Variants in USP47 observed in about 807,000 individuals in gnomAD.
USP47 encodes ubiquitin specific peptidase 47.
In USP47, 35 loss-of-function variants were observed where a neutral mutation model predicts 165.1. The observed-to-expected ratio is 0.21, with a 90% confidence interval of 0.16 to 0.28. The LOEUF is 0.28. Ranked by LOEUF, USP47 falls within the 10% of genes least tolerant of loss-of-function variation. The probability of loss-of-function intolerance (pLI) is 1.00; values close to 1 mark genes in which losing one functional copy is unlikely to be tolerated. For missense variants in USP47, 1,277 were observed against 1,607.4 expected, an observed-to-expected ratio of 0.79 and a Z score of 3.52; for synonymous variants, 531 against 544.5, an observed-to-expected ratio of 0.98 and a Z score of 0.35.
intron 1 of USP47, among the ~76,000 whole-genome samples, chr11:11,878,082 T>C (rs1418191590): frequency 6.6e-6 from 1 of 152,026 alleles, no homozygotes; most frequent in Admixed American, 6.6e-5. Context: ...ATATTTAGTC[T>C]TTAGATAGGA....
At chr11:11,932,516 T>TG (rs71313465) in intron 14 of USP47, among the ~76,000 whole-genome samples, 11,741 of 152,088 alleles carry the variant, frequency 0.077, 677 homozygotes, top group East Asian at 0.3. Flanking sequence ...AGTAAACAAA[T>TG]GGGTAGTACT....
chr11:11,908,646 G>A (rs1433732067), intron 8 of USP47, among the ~76,000 whole-genome samples: 1 of 151,684 alleles, frequency 6.6e-6, no homozygotes, highest in Non-Finnish European at 1.5e-5. Flanking sequence ...ATGAGTGCTG[G>A]GAGACTTCTG....
chr11:11,915,136 T>C (rs542433373), intron 8 of USP47, among the ~76,000 whole-genome samples: 31 of 152,252 alleles, frequency 2.0e-4, no homozygotes, highest in African/African-American at 7.5e-4. Flanking sequence ...AACCATGAAA[T>C]AGTACTTAGC....
At chr11:11,947,291 G>A (rs1855905834) in intron 20 of USP47, among the ~76,000 whole-genome samples, 3 of 152,284 alleles carry the variant, frequency 2.0e-5, no homozygotes, top group Middle Eastern at 6.8e-3. Context: ...AAGCCGGGAA[G>A]AGGTAAGAGT....
At chr11:11,887,132 T>C (rs1212885431) in intron 3 of USP47, among the ~76,000 whole-genome samples, 4 of 152,088 alleles carry the variant, frequency 2.6e-5, no homozygotes, top group African/African-American at 9.7e-5. Flanking sequence ...AAAAATACAC[T>C]GAAGTACACA....
rs781090882 is a variant in USP47 at position 11,956,071 on chromosome 11, C to T, written c.3964C>T (p.Arg1322Ter). The T allele has an allele frequency of 1.2e-6, 2 of 1,604,798 alleles. No homozygotes were observed. The highest frequency in any genetic ancestry group is 1.7e-6 in the Non-Finnish European group (2 of 1,177,324). ...TGAACTGATGAAAAAAGAAAGCAGT[C>T]GACTCCAGAAGACTGGACATCGTGT... ...RNELMKKESS[R>*]LQKTGHRVTY... The change falls in exon 28 of 28, where the codon CGA becomes TGA. Residue 1322 changes from arginine to a stop codon, truncating the protein, a stop_gained. Coordinates refer to ENST00000527733, the MANE Select transcript of USP47 (RefSeq NM_001282659.2). LOFTEE classifies it high-confidence loss of function.
chr11:11,889,552 G>A (rs1001570658), intron 3 of USP47, among the ~76,000 whole-genome samples: 2 of 152,030 alleles, frequency 1.3e-5, no homozygotes, highest in African/African-American at 4.8e-5. Flanking sequence ...AAATAAATCA[G>A]AGAAGATACA....
intron 20 of USP47, among the ~76,000 whole-genome samples, chr11:11,946,276 A>C (rs1487720978): frequency 6.6e-6 from 1 of 152,214 alleles, no homozygotes; most frequent in Non-Finnish European, 1.5e-5. Flanking sequence ...TCACAAATCT[A>C]ATATATGAAG....
At position 11,956,229 on chromosome 11, in the gene USP47, C is replaced by A; in HGVS notation, c.*54C>A. 1.3e-6 allele frequency: 2 copies of A among 1,598,070 alleles called. No individual in the cohort carries two copies. The highest frequency in any genetic ancestry group is 1.1e-5 in the South Asian group (1 of 89,310). The stretch of plus-strand genomic sequence containing the variant: ...GAGTTTTGGTTTTAATTAGATGGTT[C>A]ACTACCACTGGGTAGTGCCATTTTG... On this transcript the variant is annotated 3_prime_UTR_variant, in exon 28 of 28. Coordinates refer to ENST00000527733, the MANE Select transcript of USP47 (RefSeq NM_001282659.2).
At chr11:11,896,437 C>T (rs1342117982) in intron 4 of USP47, among the ~76,000 whole-genome samples, 1 of 152,218 alleles carries the variant, frequency 6.6e-6, no homozygotes, top group African/African-American at 2.4e-5. Flanking sequence ...AGAGCAGCCT[C>T]AGCTCAGAAG....
At chr11:11,950,300 G>A in intron 23 of USP47, 64 bp from the exon 24 acceptor site, 3 of 1,126,890 alleles carry the variant, frequency 2.7e-6, no homozygotes, top group Non-Finnish European at 3.8e-6. Flanking sequence ...TGTCAGATTA[G>A]TGTCAATCTT....
chr11:11,921,566 A>C (rs1255471326), intron 10 of USP47, among the ~76,000 whole-genome samples: 1 of 151,934 alleles, frequency 6.6e-6, no homozygotes, highest in Non-Finnish European at 1.5e-5. Flanking sequence ...ATTTAAAATA[A>C]TGTCTCAGAC....
chr11:11,857,933 C>T (rs1162952994), intron 1 of USP47, among the ~76,000 whole-genome samples: 2 of 148,482 alleles, frequency 1.3e-5, no homozygotes, highest in Admixed American at 1.4e-4. Flanking sequence ...TGGTTGCTTT[C>T]CACAACCAAT....
rs181874778 is a variant in USP47, at chr11:11,936,432, G to A, written c.1999G>A (p.Val667Ile). The stretch of plus-strand genomic sequence containing the variant: ...ACCAATGGGGCTTCTACTAGGTGGC[G>A]TCAAGTCAACATATATGTTTGATCT... The part of the protein sequence containing the change: ...DTPMGLLLGG[V>I]KSTYMFDLLL... Residue 667 changes from valine to isoleucine, a missense_variant, in exon 17 of 28, where the codon GTC (valine) becomes ATC (isoleucine). By Grantham distance (29) the Val-to-Ile change is conservative (BLOSUM62 3). This residue lies in a region of USP47 where 909 missense variants were observed against 1,068.1 expected (regional missense o/e 0.85). Coordinates refer to ENST00000527733, the MANE Select transcript of USP47 (RefSeq NM_001282659.2). 3.1e-5 allele frequency: 50 copies of A among 1,609,598 alleles called. No homozygotes were observed. The highest frequency in any genetic ancestry group is 2.0e-4 in the South Asian group (18 of 90,780).
rs544929088 is a variant in USP47 at position 11,886,719 on chromosome 11, A to C, written c.357+2139A>C. Among the ~76,000 whole-genome samples the C allele has an allele frequency of 1.7e-4, 26 of 152,320 alleles. 1 individual carries two copies. The South Asian group carries it at 5.4e-3, about 32-fold the overall frequency. On this transcript the variant is annotated intron_variant, in intron 3 of 27. Transcript: ENST00000527733. Reference sequence around the variant, plus strand: ...TCCTAATCTAGCAAGACAGGCCAACATTCAAATTCAGGAAATGCAGAGAAC... The same window carrying C: ...TCCTAATCTAGCAAGACAGGCCAACCTTCAAATTCAGGAAATGCAGAGAAC...
chr11:11,899,054 GC>G (rs1852024942), intron 5 of USP47, among the ~76,000 whole-genome samples: 1 of 152,190 alleles, frequency 6.6e-6, no homozygotes, highest in East Asian at 1.9e-4. Flanking sequence ...CCTAGTAGAT[GC>G]CAGGATTCAC....
At chr11:11,844,209 G>T (rs1342312482) in intron 1 of USP47, among the ~76,000 whole-genome samples, 1 of 151,902 alleles carries the variant, frequency 6.6e-6, no homozygotes, top group Non-Finnish European at 1.5e-5. Context: ...ATTCTCTGCA[G>T]GATCTGATAG....
intron 1 of USP47, among the ~76,000 whole-genome samples, chr11:11,868,399 T>G (rs1849819662): frequency 6.6e-6 from 1 of 152,210 alleles, no homozygotes; most frequent in Non-Finnish European, 1.5e-5. Context: ...TTGTAGAGTC[T>G]TTTGGGGTTG....
At position 11,880,307 on chromosome 11, in the gene USP47, T is replaced by C. The variant is rs1213976029; in HGVS notation, c.170T>C (p.Val57Ala). The C allele has an allele frequency of 2.3e-5, 32 of 1,406,918 alleles. No individual in the cohort carries two copies. Among genetic ancestry groups the C allele is most frequent in the Admixed American group, 3.3e-5 (1 of 29,950 alleles). The allele number at this position is 1,406,918 out of a possible 1,614,324, so 87.2% of individuals were successfully genotyped here. A position where few individuals can be genotyped will look rare whatever the true frequency, so the allele number is the denominator to read the frequency against. Reference protein sequence around the residue: ...STPVRKLFEDVANKVGYINGT... With the variant: ...STPVRKLFEDAANKVGYINGT... Reference sequence around the variant, plus strand: ...CCAGTCAGAAAGCTCTTTGAAGATGTGGCCAACAAAGTAGGCTACATAAAT... The same window carrying C: ...CCAGTCAGAAAGCTCTTTGAAGATGCGGCCAACAAAGTAGGCTACATAAAT... The change falls in exon 2 of 28, where the codon GTG becomes GCG. Residue 57 changes from valine (V) to alanine (A), a missense_variant. By Grantham distance (64) the Val-to-Ala change is moderately conservative. This residue lies in a region of USP47 where 181 missense variants were observed against 194.7 expected (regional missense o/e 0.93). Coordinates refer to ENST00000527733, the MANE Select transcript of USP47 (RefSeq NM_001282659.2).
Sources: gnomAD v4.1 joint callset for allele counts (sites outside exome capture counted in the v4.1 genomes callset) on GRCh38, gnomAD v4.1.1 for gene constraint, gnomAD v4.1.1 regional missense constraint, MANE v1.5 for transcripts, NCBI Gene and HGNC (gene_info 2026-07-23, HGNC 2026-07-21) for gene names.